SIM1: variants seen among roughly 807,000 people sequenced by gnomAD.
SIM1 encodes single-minded homolog 1.
A neutral mutation model predicts 78.2 loss-of-function variants in SIM1; 18 were observed. The ratio of observed to expected loss-of-function variants is 0.23; its 90% confidence interval spans 0.16 to 0.34. SIM1 has a LOEUF of 0.34. Ranked by LOEUF, SIM1 falls within the 10% of genes least tolerant of loss-of-function variation. SIM1 has a pLI of 1.00. For synonymous variants in SIM1, 417 were observed against 385.2 expected, an observed-to-expected ratio of 1.08 and a Z score of -0.97; for missense variants, 939 against 975.1, an observed-to-expected ratio of 0.96 and a Z score of 0.49.
intron 10 of SIM1, among the ~76,000 whole-genome samples, chr6:100,412,623 G>GGAAA (rs199610074): frequency 0.13 from 8,568 of 66,648 alleles, 1,204 homozygotes; most frequent in East Asian, 0.36. Context: ...AAAGAAAGAA[G>GGAAA]GAAAGAAAGA....
chr6:100,423,731 GA>G, intron 9 of SIM1, among the ~76,000 whole-genome samples: 1 of 151,976 alleles, frequency 6.6e-6, no homozygotes, highest in East Asian at 1.9e-4. Flanking sequence ...TTCTGCATGA[GA>G]AAAAACTCAG....
Position 100,390,227 on chromosome 6 carries a change from G to C in SIM1, c.*134C>G. ...TGCTATGTTTTCTTTGATTTTATAG[G>C]AACACGTATCAAATACCCAGTAACT... On this transcript the variant is annotated 3_prime_UTR_variant, in exon 12 of 12. Transcript: ENST00000369208. 1.0e-6 allele frequency: 1 copy of C among 956,638 alleles called. No individual in the cohort carries two copies. 59.3% of individuals were successfully genotyped at this position (956,638 alleles called of 1,614,324 possible). A position where few individuals can be genotyped will look rare whatever the true frequency, so the allele number is the denominator to read the frequency against.
intron 10 of SIM1, among the ~76,000 whole-genome samples, chr6:100,406,815 C>A (rs1049282450): frequency 6.6e-6 from 1 of 152,114 alleles, no homozygotes; most frequent in East Asian, 1.9e-4. Context: ...CACCTCACAT[C>A]GTTACCTTTT....
intron 2 of SIM1, among the ~76,000 whole-genome samples, chr6:100,461,880 C>G (rs1235649460): frequency 1.5e-5 from 1 of 66,766 alleles, no homozygotes. Context: ...GTACTTTAGG[C>G]TTTCATTTCT....
At position 100,388,945 on chromosome 6, in the gene SIM1, T is replaced by G. The variant is rs754445012; in HGVS notation, c.*1416A>C. On this transcript the variant is annotated 3_prime_UTR_variant, in exon 12 of 12. Transcript: ENST00000369208. ...TTAAGTCACAAAGCATCTAAACTTCTGTGTACAGAAAAAACAGAATGATCA... is the reference window on the plus strand; with the variant it reads ...TTAAGTCACAAAGCATCTAAACTTCGGTGTACAGAAAAAACAGAATGATCA... 12 of 152,174 alleles carry G rather than the reference T, an allele frequency of 7.9e-5. No homozygotes were observed. The highest frequency in any genetic ancestry group is 1.5e-4 in the Non-Finnish European group (10 of 68,032). The allele number at this position is 152,174 out of a possible 1,614,324, so 9.4% of individuals were successfully genotyped here.
intron 9 of SIM1, among the ~76,000 whole-genome samples, chr6:100,440,547 C>T (rs1015619675): frequency 1.3e-5 from 2 of 152,216 alleles, no homozygotes; most frequent in African/African-American, 4.8e-5. Flanking sequence ...GCTCCCTGTC[C>T]TTGCAATGCC....
At chr6:100,392,469 C>T (rs1247010840) in intron 11 of SIM1, among the ~76,000 whole-genome samples, 2 of 152,182 alleles carry the variant, frequency 1.3e-5, no homozygotes, top group Non-Finnish European at 2.9e-5. Context: ...GTAGGTTAAG[C>T]CAGGATTTTC....
chr6:100,410,869 G>A (rs1771172444), intron 10 of SIM1, among the ~76,000 whole-genome samples: 1 of 152,178 alleles, frequency 6.6e-6, no homozygotes, highest in Non-Finnish European at 1.5e-5. Flanking sequence ...CCTGGAACCA[G>A]ACAAAGACAG....
At chr6:100,402,622 G>GGCT (rs112419959) in intron 10 of SIM1, among the ~76,000 whole-genome samples, 27,792 of 127,524 alleles carry the variant, frequency 0.22, 3,689 homozygotes, top group East Asian at 0.62. Context: ...CTGTCGCCCA[G>GGCT]GCTGGAGTGC....
At position 100,390,027 on chromosome 6, in the gene SIM1, A is replaced by C. The variant is rs1770597581; in HGVS notation, c.*334T>G. 2.5e-6 allele frequency: 1 copy of C among 398,536 alleles called. No individual in the cohort carries two copies. The highest frequency in any genetic ancestry group is 4.4e-6 in the Non-Finnish European group (1 of 225,220). 24.7% of individuals were successfully genotyped at this position (398,536 alleles called of 1,614,324 possible). ...AGTTTGTGTGTTTGAGGATCACTGG[A>C]TAGTCACAATGCAATGTTGTCATTC... On this transcript the variant is annotated 3_prime_UTR_variant, in exon 12 of 12. Coordinates refer to ENST00000369208, the MANE Select transcript of SIM1 (RefSeq NM_005068.3).
In SIM1 at chr6:100,390,860, T is replaced by C. The variant is rs781770499; in HGVS notation, c.1802A>G (p.Lys601Arg). 34 of 1,613,986 alleles carry C rather than the reference T, an allele frequency of 2.1e-5. No individual in the cohort carries two copies. The East Asian group carries it at 7.1e-4, about 34-fold the overall frequency. ...GTAGTTTGCAAAACACAGGGAGTGTTTTTTCCCAGCCCCATTAATGGAAGC... is the reference window on the plus strand; with the variant it reads ...GTAGTTTGCAAAACACAGGGAGTGTCTTTTCCCAGCCCCATTAATGGAAGC... ...QLASINGAGK[K>R]HSLCFANYQQ... The change falls in exon 12 of 12, where the codon AAA (lysine) becomes AGA (arginine). Residue 601 changes from lysine (K) to arginine (R), a missense_variant. By Grantham distance (26) the Lys-to-Arg change is conservative. Transcript: ENST00000369208.
chr6:100,403,874 A>C (rs988644704), intron 10 of SIM1, among the ~76,000 whole-genome samples: 1 of 152,244 alleles, frequency 6.6e-6, no homozygotes, highest in African/African-American at 2.4e-5. Context: ...CCCTTTACAG[A>C]CATAACAAAT....
chr6:100,459,252 C>A, intron 2 of SIM1, among the ~76,000 whole-genome samples: 1 of 152,094 alleles, frequency 6.6e-6, no homozygotes, highest in East Asian at 1.9e-4. Flanking sequence ...GTGATCCCTC[C>A]CATTAAAGAA....
At chr6:100,392,171 T>C (rs187352394) in intron 11 of SIM1, among the ~76,000 whole-genome samples, 229 of 152,274 alleles carry the variant, frequency 1.5e-3, no homozygotes, top group Middle Eastern at 6.8e-3. Flanking sequence ...CGAAACTCTG[T>C]CTCAAAAAAA....
chr6:100,412,832 CTGGGTGT>C (rs1771295193), intron 10 of SIM1, among the ~76,000 whole-genome samples: 1 of 152,030 alleles, frequency 6.6e-6, no homozygotes, highest in Admixed American at 6.5e-5. Flanking sequence ...AAAGTCACAG[CTGGGTGT>C]TGAGAGTGAT....
rs1562257540 is a variant in SIM1 at position 100,453,814 on chromosome 6, C to A, written c.206G>T (p.Arg69Leu). 6.2e-7 allele frequency: 1 copy of A among 1,612,386 alleles called. No homozygotes were observed. The highest frequency in any genetic ancestry group is 2.2e-5 in the East Asian group (1 of 44,660). ...GLGEAWGHSS[R>L]TSPLDNVGRE... is the part of the protein sequence containing the mutation. ...GCCAACGTTGTCCAGGGGGCTGGTCCGACTTGAGTGGCCCCACGCCTCGCC... is the reference window on the plus strand; with the variant it reads ...GCCAACGTTGTCCAGGGGGCTGGTCAGACTTGAGTGGCCCCACGCCTCGCC... The change falls in exon 3 of 12, where the codon CGG (arginine) becomes CTG (leucine). Residue 69 changes from arginine (R) to leucine (L), a missense_variant. This residue lies in a region of SIM1 where 121 missense variants were observed against 124.6 expected (regional missense o/e 0.97). Transcript: ENST00000369208.
Position 100,386,364 on chromosome 6 carries a change from G to A in SIM1, c.*3997C>T, listed in dbSNP as rs1447655566. 1.3e-5 allele frequency: 2 copies of A among 152,010 alleles called. No individual in the cohort carries two copies. Among genetic ancestry groups the A allele is most frequent in the Non-Finnish European group, 2.9e-5 (2 of 67,914 alleles). 9.4% of individuals were successfully genotyped at this position (152,010 alleles called of 1,614,324 possible). On this transcript the variant is annotated 3_prime_UTR_variant, in exon 12 of 12. Transcript: ENST00000369208. ...GTCACTTCTAAATACTACTAGGACT[G>A]ATAGATTGCACTGAATATCTTAGTA... is the stretch of plus-strand genomic sequence containing the variant.
intron 9 of SIM1, among the ~76,000 whole-genome samples, chr6:100,427,886 C>T (rs1289659007): frequency 6.6e-6 from 1 of 152,200 alleles, no homozygotes; most frequent in Non-Finnish European, 1.5e-5. Flanking sequence ...TCTCTTATAA[C>T]AGCCTTTATT....
chr6:100,456,030 T>G (rs1772644226), intron 2 of SIM1, among the ~76,000 whole-genome samples: 1 of 152,130 alleles, frequency 6.6e-6, no homozygotes, highest in Non-Finnish European at 1.5e-5. Flanking sequence ...CAGGAGCCTC[T>G]CTCGCCCTCT....
Sources: gnomAD v4.1 joint callset for allele counts (sites outside exome capture counted in the v4.1 genomes callset) on GRCh38, gnomAD v4.1.1 for gene constraint, gnomAD v4.1.1 regional missense constraint, MANE v1.5 for transcripts, NCBI Gene and HGNC (gene_info 2026-07-23, HGNC 2026-07-21) for gene names.